RNF150: variants seen among roughly 807,000 people sequenced by gnomAD.
RNF150 encodes ring finger protein 150.
RNF150 carries 24 observed loss-of-function variants against 39.3 expected under a neutral mutation model. That is an observed-to-expected ratio of 0.61 (90% CI 0.44 to 0.86). RNF150 has a LOEUF of 0.86. Among genes scored for constraint, RNF150 ranks in the 40% least tolerant of loss-of-function variants. The pLI is 0.00. For missense variants in RNF150, 502 were observed against 587.8 expected (o/e 0.85, Z 1.51); for synonymous variants, 255 against 227.3 (o/e 1.12, Z -1.10).
chr4:141,094,586 A>G (rs1738706029), intron 1 of RNF150, among the ~76,000 whole-genome samples: 1 of 152,266 alleles, frequency 6.6e-6, no homozygotes, highest in Admixed American at 6.5e-5. Context: ...TAGTAAAAAT[A>G]ACACTTTACC....
chr4:141,195,643 G>T lies in RNF150; in HGVS notation c.-6+17151C>A, dbSNP rs527685824. Among the ~76,000 whole-genome samples the T allele has an allele frequency of 2.6e-5, 4 of 152,278 alleles. No individual in the cohort carries two copies. The East Asian group carries it at 5.8e-4, about 22-fold the overall frequency. On this transcript the variant is annotated intron_variant, in intron 1 of 7. Coordinates refer to the RNF150 transcript ENST00000420921. ...GCCCACAAGATAATTAATTATAGGG[G>T]TGGTAAAATTGGTAGAAAGGTTAAG...
At chr4:140,889,000 T>C (rs1022684416) in intron 6 of RNF150, among the ~76,000 whole-genome samples, 1 of 152,162 alleles carries the variant, frequency 6.6e-6, no homozygotes, top group South Asian at 2.1e-4. Context: ...ATATTTACTA[T>C]GTCAGTGCTG....
At chr4:140,981,606 AAAT>A (rs1733861993) in intron 1 of RNF150, among the ~76,000 whole-genome samples, 1 of 152,178 alleles carries the variant, frequency 6.6e-6, no homozygotes, top group Non-Finnish European at 1.5e-5. Flanking sequence ...TACAGAGAAA[AAAT>A]AATGTGTTTG....
intron 1 of RNF150, among the ~76,000 whole-genome samples, chr4:141,040,234 G>A (rs1461589109): frequency 5.3e-5 from 8 of 152,068 alleles, no homozygotes; most frequent in African/African-American, 1.9e-4. Context: ...TTGACTATCA[G>A]GCTATCCCAG....
chr4:141,091,233 T>A (rs56201046), intron 1 of RNF150, among the ~76,000 whole-genome samples: 19,114 of 152,222 alleles, frequency 0.13, 1,247 homozygotes, highest in Middle Eastern at 0.24. Context: ...AATTGTAGCA[T>A]CTACCCAATT....
chr4:140,965,685 T>A (rs1360871025), intron 2 of RNF150, among the ~76,000 whole-genome samples: 7 of 151,970 alleles, frequency 4.6e-5, no homozygotes, highest in Non-Finnish European at 7.4e-5. Flanking sequence ...CACCTATATA[T>A]GGAATATAAT....
chr4:141,167,903 A>ATGCCAAAAGCAATGG (rs1727630894), intron 1 of RNF150, among the ~76,000 whole-genome samples: 1 of 152,206 alleles, frequency 6.6e-6, no homozygotes, highest in Non-Finnish European at 1.5e-5. Context: ...CATGATTAAA[A>ATGCCAAAAGCAATGG]CGCCAAAAGC....
At chr4:141,137,324 T>C (rs562992626), upstream of RNF150, among the ~76,000 whole-genome samples, 10 of 152,314 alleles carry the variant, frequency 6.6e-5, no homozygotes, top group Non-Finnish European at 1.5e-4. Flanking sequence ...TGGGAGCAAG[T>C]AGAGCAATTA....
chr4:141,128,713 A>G (rs1726815632), intron 1 of RNF150, among the ~76,000 whole-genome samples: 1 of 152,096 alleles, frequency 6.6e-6, no homozygotes, highest in Non-Finnish European at 1.5e-5. Flanking sequence ...TGGTCCATAG[A>G]CTTAAAAAAA....
At chr4:141,030,006 C>A (rs538673784) in intron 1 of RNF150, among the ~76,000 whole-genome samples, 15 of 152,136 alleles carry the variant, frequency 9.9e-5, no homozygotes, top group Non-Finnish European at 1.8e-4. Context: ...ACCATCCTGA[C>A]TAACCCAGCA....
At chr4:141,070,597 A>C (rs909039989) in intron 1 of RNF150, among the ~76,000 whole-genome samples, 6 of 151,130 alleles carry the variant, frequency 4.0e-5, no homozygotes, top group African/African-American at 1.5e-4. Flanking sequence ...TTGTCAAAAG[A>C]AGACATTTAT....
At chr4:141,078,801 AAAAAAAAATATAT>A (rs1191974621) in intron 1 of RNF150, among the ~76,000 whole-genome samples, 54 of 81,694 alleles carry the variant, frequency 6.6e-4, no homozygotes, top group African/African-American at 2.2e-3. Flanking sequence ...AAAAAAAAAA[AAAAAAAAATATAT>A]ATATATATAT....
chr4:141,170,720 G>T (rs965958934), intron 1 of RNF150, among the ~76,000 whole-genome samples: 4 of 152,092 alleles, frequency 2.6e-5, no homozygotes. Context: ...TCTCATTTTG[G>T]AAATGACCAC....
At chr4:141,027,568 A>G (rs1352546150) in intron 1 of RNF150, among the ~76,000 whole-genome samples, 1 of 152,114 alleles carries the variant, frequency 6.6e-6, no homozygotes, top group Non-Finnish European at 1.5e-5. Context: ...TCTTGCAATT[A>G]TATATAGCCA....
chr4:141,129,860 A>G (rs1203979326), intron 1 of RNF150, among the ~76,000 whole-genome samples: 1 of 152,254 alleles, frequency 6.6e-6, no homozygotes, highest in Non-Finnish European at 1.5e-5. Flanking sequence ...GACAGGTTGC[A>G]TAACACTAAA....
At chr4:141,198,110 T>C (rs1419761154) in intron 1 of RNF150, among the ~76,000 whole-genome samples, 2 of 149,546 alleles carry the variant, frequency 1.3e-5, no homozygotes, top group East Asian at 4.1e-4. Context: ...CACTGCAACC[T>C]CCGCCTCCTG....
intron 1 of RNF150, among the ~76,000 whole-genome samples, chr4:141,098,581 G>A (rs1224184306): frequency 6.6e-6 from 1 of 152,118 alleles, no homozygotes; most frequent in African/African-American, 2.4e-5. Context: ...CTTTTGATGG[G>A]GGCACTTGGA....
chr4:141,200,787 G>A (rs1728277962), intron 1 of RNF150, among the ~76,000 whole-genome samples: 1 of 152,118 alleles, frequency 6.6e-6, no homozygotes, highest in Non-Finnish European at 1.5e-5. Flanking sequence ...TCTACAAATG[G>A]TGAGAAAGTA....
chr4:140,961,056 C>G (rs1733002932), intron 2 of RNF150, among the ~76,000 whole-genome samples: 2 of 152,086 alleles, frequency 1.3e-5, no homozygotes, highest in Admixed American at 1.3e-4. Context: ...CGAGACCCAT[C>G]TGACTCCAAA....
Sources: allele counts gnomAD v4.1 joint callset (sites outside exome capture counted in the v4.1 genomes callset), GRCh38; gene constraint gnomAD v4.1.1; transcripts MANE v1.5; gene names NCBI Gene and HGNC (gene_info 2026-07-23, HGNC 2026-07-21).